Variants in FAXDC2 observed in about 807,000 individuals in gnomAD.
FAXDC2 encodes fatty acid hydroxylase domain-containing protein 2.
A neutral mutation model predicts 40.9 loss-of-function variants in FAXDC2; 41 were observed. The observed-to-expected ratio is 1.00, with a 90% CI of 0.78 to 1.30. The LOEUF (loss-of-function observed/expected upper bound fraction) is 1.30, where lower values mean the gene tolerates loss of function less well. FAXDC2 is among the 50% of genes most tolerant of loss of function. The pLI, the probability that FAXDC2 is intolerant of heterozygous loss-of-function variation, is 0.00. For missense variants in FAXDC2, 390 were observed against 408.8 expected, an observed-to-expected ratio of 0.95 and a Z score of 0.40; for synonymous variants, 157 against 149.3, an observed-to-expected ratio of 1.05 and a Z score of -0.38.
intron 6 of FAXDC2, 135 bp from the exon 7 acceptor site, chr5:154,822,712 A>G (rs1024920972): frequency 5.9e-6 from 4 of 675,978 alleles, no homozygotes; most frequent in African/African-American, 1.8e-5. Context: ...CCTGCCTTCA[A>G]ATTTCAACCC....
At position 154,819,935 on chromosome 5, in the gene FAXDC2, G is replaced by A. The variant is rs146036621; in HGVS notation, c.*381C>T. Reference sequence around the variant, plus strand: ...CAGAAGGAGCTCTCGCTGGAGCCAGGCAGCCTCCAGTCCCCCTCCTTTCAG... The same window carrying A: ...CAGAAGGAGCTCTCGCTGGAGCCAGACAGCCTCCAGTCCCCCTCCTTTCAG... On this transcript the variant is annotated 3_prime_UTR_variant, in exon 9 of 9. Coordinates refer to ENST00000326080, the MANE Select transcript of FAXDC2 (RefSeq NM_032385.5). 2.2e-4 allele frequency: 35 copies of A among 160,780 alleles called. No individual in the cohort carries two copies. The highest frequency in any genetic ancestry group is 7.7e-4 in the African/African-American group (32 of 41,708). The allele number at this position is 160,780 out of a possible 1,614,324, so 10.0% of individuals were successfully genotyped here.
intron 1 of FAXDC2, among the ~76,000 whole-genome samples, chr5:154,846,269 A>T (rs984450996): frequency 1.3e-4 from 19 of 147,346 alleles, no homozygotes; most frequent in African/African-American, 2.0e-4. Context: ...TGAACTAGAT[A>T]GTGTGTGTGT....
intron 1 of FAXDC2, among the ~76,000 whole-genome samples, chr5:154,841,294 G>A (rs372577886): frequency 6.6e-6 from 1 of 152,162 alleles, no homozygotes; most frequent in Non-Finnish European, 1.5e-5. Context: ...GTGCCTCAAT[G>A]CAAGTTCTAG....
intron 1 of FAXDC2, among the ~76,000 whole-genome samples, chr5:154,841,964 C>T (rs932309657): frequency 6.6e-6 from 1 of 152,098 alleles, no homozygotes; most frequent in Non-Finnish European, 1.5e-5. Context: ...TCTCGAACTC[C>T]TGATGTCAGA....
intron 1 of FAXDC2, among the ~76,000 whole-genome samples, chr5:154,843,337 G>A (rs1251621203): frequency 6.6e-6 from 1 of 152,206 alleles, no homozygotes; most frequent in Non-Finnish European, 1.5e-5. Context: ...ACGAGACATG[G>A]CCTTTGATCT....
chr5:154,848,713 TC>T (rs1348761854), intron 1 of FAXDC2, among the ~76,000 whole-genome samples: 3 of 152,188 alleles, frequency 2.0e-5, no homozygotes, highest in Non-Finnish European at 4.4e-5. Flanking sequence ...GCATCTGTAA[TC>T]CCAGCACTTT....
intron 1 of FAXDC2, among the ~76,000 whole-genome samples, chr5:154,839,609 CT>C (rs1181826517): frequency 3.3e-5 from 5 of 151,568 alleles, no homozygotes; most frequent in Non-Finnish European, 5.9e-5. Flanking sequence ...GATCATGCCA[CT>C]GATCCAGCCT....
In FAXDC2 at chr5:154,827,421, T is replaced by TTGTGTGTGTGTGTG. The variant is rs10528622; in HGVS notation, c.366+3366_366+3379dup. Among the ~76,000 whole-genome samples the TTGTGTGTGTGTGTG allele has an allele frequency of 2.8e-3, 384 of 138,680 alleles. 1 individual carries two copies. Among genetic ancestry groups the TTGTGTGTGTGTGTG allele is most frequent in the Middle Eastern group, 0.012 (3 of 260 alleles). 91.0% of individuals were successfully genotyped at this position (138,680 alleles called of 152,430 possible). A position where few individuals can be genotyped will look rare whatever the true frequency, so the allele number is the denominator to read the frequency against. On this transcript the variant is annotated intron_variant, in intron 5 of 8. Transcript: ENST00000326080. Reference sequence around the variant, plus strand: ...GTTAAGAGTTGTTTTTTCTGTTATTTTGTGTGTGTGTGTGTGTGTGTGTGT... The same window carrying TTGTGTGTGTGTGTG: ...GTTAAGAGTTGTTTTTTCTGTTATTTTGTGTGTGTGTGTGTGTGTGTGTGTGTGTGTGTGTGTGT...
intron 1 of FAXDC2, among the ~76,000 whole-genome samples, chr5:154,842,975 A>C (rs1326814055): frequency 6.6e-6 from 1 of 152,198 alleles, no homozygotes; most frequent in African/African-American, 2.4e-5. Flanking sequence ...CCCAGCTCAA[A>C]TATTTAATGA....
At chr5:154,822,392 TA>T in intron 7 of FAXDC2, 79 bp downstream of exon 7, 1 of 967,842 alleles carries the variant, frequency 1.0e-6, no homozygotes, top group Non-Finnish European at 1.7e-6. Flanking sequence ...CGGTGTGGTC[TA>T]AGTTCTCTGC....
chr5:154,828,959 G>A (rs1295539475), intron 5 of FAXDC2, among the ~76,000 whole-genome samples: 9 of 141,514 alleles, frequency 6.4e-5, no homozygotes, highest in Non-Finnish European at 6.1e-5. Context: ...TTGCTCTGTC[G>A]CCCAGGCTGG....
intron 2 of FAXDC2, 88 bp from the exon 3 acceptor site, chr5:154,835,022 G>A: frequency 4.8e-6 from 4 of 831,388 alleles, no homozygotes; most frequent in Non-Finnish European, 6.0e-6. Flanking sequence ...GAGTGCTGTA[G>A]GATCAGCATC....
intron 2 of FAXDC2, among the ~76,000 whole-genome samples, chr5:154,835,951 C>T (rs1760336532): frequency 7.6e-6 from 1 of 131,246 alleles, no homozygotes; most frequent in East Asian, 2.3e-4. Flanking sequence ...TGGAGTGAAG[C>T]ACCATCTTGG....
intron 5 of FAXDC2, among the ~76,000 whole-genome samples, chr5:154,830,101 G>A (rs1172118408): frequency 2.0e-5 from 3 of 152,200 alleles, no homozygotes; most frequent in Admixed American, 6.5e-5. Context: ...TGTCTTGTCT[G>A]GGAAAGAAGC....
At chr5:154,839,634 T>A in intron 1 of FAXDC2, among the ~76,000 whole-genome samples, 1 of 151,652 alleles carries the variant, frequency 6.6e-6, no homozygotes, top group East Asian at 1.9e-4. Flanking sequence ...CGACAGAGTG[T>A]GACCTTGTCT....
At chr5:154,847,179 G>C (rs949662282) in intron 1 of FAXDC2, among the ~76,000 whole-genome samples, 1 of 151,986 alleles carries the variant, frequency 6.6e-6, no homozygotes, top group Non-Finnish European at 1.5e-5. Flanking sequence ...TGCCCAAGCT[G>C]GTCTTGGACT....
At chr5:154,848,054 T>C (rs918829483) in intron 1 of FAXDC2, among the ~76,000 whole-genome samples, 1 of 152,126 alleles carries the variant, frequency 6.6e-6, no homozygotes, top group Non-Finnish European at 1.5e-5. Flanking sequence ...TTAGCCAGGA[T>C]GGTCTTGATC....
intron 1 of FAXDC2, among the ~76,000 whole-genome samples, chr5:154,842,291 G>C (rs541406589): frequency 2.6e-5 from 4 of 151,394 alleles, no homozygotes; most frequent in Non-Finnish European, 5.9e-5. Context: ...TCCACCTCCT[G>C]GGTTCAAGCA....
intron 6 of FAXDC2, 64 bp from the exon 7 acceptor site, chr5:154,822,641 T>A: frequency 1.5e-6 from 2 of 1,325,414 alleles, no homozygotes; most frequent in Admixed American, 3.4e-5. Flanking sequence ...GACCAGACCA[T>A]GAGAAACCAA....
Sources: gnomAD v4.1 joint callset for allele counts (sites outside exome capture counted in the v4.1 genomes callset) on GRCh38, gnomAD v4.1.1 for gene constraint, MANE v1.5 for transcripts, NCBI Gene and HGNC (gene_info 2026-07-23, HGNC 2026-07-21) for gene names.